Variants in EYS observed in about 807,000 individuals in gnomAD.
EYS encodes the protein protein eyes shut homolog.
A neutral mutation model predicts 282.1 loss-of-function variants in EYS; 250 were observed. The observed-to-expected ratio is 0.89, with a 90% confidence interval of 0.80 to 0.98. EYS has a LOEUF of 0.98. Ranked by LOEUF, EYS falls within the 50% of genes least tolerant of loss-of-function variation. The probability of loss-of-function intolerance (pLI) is 0.00; values close to 1 mark genes in which losing one functional copy is unlikely to be tolerated. For synonymous variants in EYS, 1,355 were observed against 1,282.9 expected, an observed-to-expected ratio of 1.06 and a Z score of -1.20; for missense variants, 4,016 against 3,709.0, an observed-to-expected ratio of 1.08 and a Z score of -2.15.
chr6:65,400,862 G>A lies in EYS; in HGVS notation c.1184+1616C>T, dbSNP rs574908781. ...AATTCAGAAGAGTAAAACTTCAGTAGAAGAGTAGTTAAACTAGTTGGAAGG... is the reference window on the plus strand; with the variant it reads ...AATTCAGAAGAGTAAAACTTCAGTAAAAGAGTAGTTAAACTAGTTGGAAGG... On this transcript the variant is annotated intron_variant, in intron 7 of 42. Transcript: ENST00000503581. Among the ~76,000 whole-genome samples the A allele has an allele frequency of 2.6e-4, 40 of 151,894 alleles. No individual in the cohort carries two copies. The South Asian group carries it at 8.3e-3, about 32-fold the overall frequency.
rs183098422 is a variant in EYS, at chr6:65,423,133, A to C, written c.863-17766T>G. On this transcript the variant is annotated intron_variant, in intron 5 of 42. Coordinates refer to ENST00000503581, the MANE Select transcript of EYS (RefSeq NM_001142800.2). ...TCCTCACCCACATAAAAATTAAATG[A>C]GGGAAAACAAAACTAAAATTTAAAA... 3.9e-5 allele frequency among the ~76,000 whole-genome samples: 6 copies of C among 151,948 alleles called. No homozygotes were observed. In the East Asian group the frequency reaches 9.7e-4, roughly 25 times the overall value.
Position 65,662,470 on chromosome 6 carries a change from AAAAC to A in EYS, c.-447-22582_-447-22579del, listed in dbSNP as rs558875059. ...CAAGGGAGACATCGATGTTAAATAA[AAAAC>A]AAAAGAATTTAGAACAATCTATTTT... On this transcript the variant is annotated intron_variant, in intron 1 of 42. Transcript: ENST00000503581. 3.0e-3 allele frequency among the ~76,000 whole-genome samples: 455 copies of A among 152,340 alleles called. 3 individuals carry two copies. Among genetic ancestry groups the A allele is most frequent in the African/African-American group, 0.01 (435 of 41,584 alleles).
chr6:63,942,770 G>A (rs1242507797), intron 35 of EYS, among the ~76,000 whole-genome samples: 2 of 152,056 alleles, frequency 1.3e-5, no homozygotes, highest in Admixed American at 1.3e-4. Context: ...TAAACTGAAT[G>A]TGTCTGTCTC....
chr6:64,828,166 A>G (rs913046468), intron 19 of EYS, among the ~76,000 whole-genome samples: 2 of 151,988 alleles, frequency 1.3e-5, no homozygotes, highest in Non-Finnish European at 2.9e-5. Flanking sequence ...GGAAAGAACC[A>G]ATGAACTTGA....
chr6:63,861,230 T>C (rs1028134989), intron 36 of EYS, among the ~76,000 whole-genome samples: 14 of 152,212 alleles, frequency 9.2e-5, no homozygotes, highest in African/African-American at 3.4e-4. Flanking sequence ...CCATCTACAC[T>C]ATAGTTCAGA....
chr6:63,830,293 A>G (rs1253299870), intron 36 of EYS, among the ~76,000 whole-genome samples: 2 of 152,184 alleles, frequency 1.3e-5, no homozygotes, highest in Non-Finnish European at 2.9e-5. Flanking sequence ...GGACATTCGA[A>G]CCTATCGCAA....
intron 29 of EYS, among the ~76,000 whole-genome samples, chr6:64,364,752 G>C (rs2150410496): frequency 6.6e-6 from 1 of 151,524 alleles, no homozygotes; most frequent in South Asian, 2.1e-4. Flanking sequence ...ACTTTAAAAG[G>C]TGGGTGGGTG....
chr6:64,725,665 A>G (rs1771727084), intron 22 of EYS, among the ~76,000 whole-genome samples: 1 of 152,128 alleles, frequency 6.6e-6, no homozygotes, highest in African/African-American at 2.4e-5. Flanking sequence ...TTATTTCAGA[A>G]CTAAACAGCA....
intron 14 of EYS, among the ~76,000 whole-genome samples, chr6:64,995,775 C>T (rs1051760882): frequency 2.1e-5 from 3 of 140,470 alleles, no homozygotes; most frequent in African/African-American, 7.8e-5. Context: ...AGATTTTAAA[C>T]TATACTACAG....
intron 12 of EYS, among the ~76,000 whole-genome samples, chr6:65,088,894 A>G (rs1325618385): frequency 6.6e-6 from 1 of 152,102 alleles, no homozygotes; most frequent in African/African-American, 2.4e-5. Context: ...AGCTCCAGCT[A>G]TGGCAAAAAA....
chr6:65,122,175 T>A (rs991845564), intron 12 of EYS, among the ~76,000 whole-genome samples: 1 of 152,114 alleles, frequency 6.6e-6, no homozygotes, highest in Non-Finnish European at 1.5e-5. Context: ...TTTTAACAAG[T>A]AAAACATTAA....
intron 35 of EYS, among the ~76,000 whole-genome samples, chr6:63,904,522 T>A (rs1348346106): frequency 6.6e-6 from 1 of 152,140 alleles, no homozygotes; most frequent in Non-Finnish European, 1.5e-5. Flanking sequence ...TCCTGGATAA[T>A]AGGGGAAGTC....
intron 29 of EYS, among the ~76,000 whole-genome samples, chr6:64,318,368 G>C (rs1770063068): frequency 6.6e-6 from 1 of 152,046 alleles, no homozygotes; most frequent in African/African-American, 2.4e-5. Context: ...TATCCATACT[G>C]TATAAGCAGT....
chr6:64,041,779 C>T (rs1339353958), intron 33 of EYS, among the ~76,000 whole-genome samples: 1 of 152,104 alleles, frequency 6.6e-6, no homozygotes, highest in African/African-American at 2.4e-5. Context: ...TTTTTGCTGT[C>T]CACATATTAA....
intron 2 of EYS, among the ~76,000 whole-genome samples, chr6:65,615,921 G>C (rs1404072521): frequency 2.1e-5 from 3 of 146,106 alleles, no homozygotes; most frequent in Non-Finnish European, 3.0e-5. Context: ...GCGAGAGAGC[G>C]AGACTCCATC....
At chr6:65,308,311 C>G (rs1463053378) in intron 11 of EYS, among the ~76,000 whole-genome samples, 3 of 22,340 alleles carry the variant, frequency 1.3e-4, no homozygotes, top group African/African-American at 4.4e-4. Context: ...TCTTGCCTGA[C>G]AAGTTTAAAA....
intron 12 of EYS, among the ~76,000 whole-genome samples, chr6:65,294,696 T>A (rs1431111940): frequency 6.6e-6 from 1 of 151,940 alleles, no homozygotes; most frequent in Non-Finnish European, 1.5e-5. Context: ...AATGGCATTA[T>A]GCAGAGTTAA....
At chr6:65,226,406 G>C (rs1007693432) in intron 12 of EYS, among the ~76,000 whole-genome samples, 1 of 152,112 alleles carries the variant, frequency 6.6e-6, no homozygotes, top group African/African-American at 2.4e-5. Context: ...AATACATCCT[G>C]TGCTCATAAT....
chr6:64,970,131 G>T (rs926301073), intron 14 of EYS, among the ~76,000 whole-genome samples: 3 of 149,700 alleles, frequency 2.0e-5, no homozygotes, highest in African/African-American at 7.3e-5. Flanking sequence ...AATATGAATT[G>T]CCAAGCCTAG....
Sources: allele counts gnomAD v4.1 joint callset (sites outside exome capture counted in the v4.1 genomes callset), GRCh38; gene constraint gnomAD v4.1.1; transcripts MANE v1.5; gene names NCBI Gene and HGNC (gene_info 2026-07-23, HGNC 2026-07-21).